Variants in AGBL2 observed in about 807,000 individuals in gnomAD.
AGBL2 encodes the protein AGBL carboxypeptidase 2.
A neutral mutation model predicts 103.0 loss-of-function variants in AGBL2; 87 were observed. That is an observed-to-expected ratio of 0.84 (90% CI 0.71 to 1.01). The LOEUF is 1.01. Among genes scored for constraint, AGBL2 ranks in the 50% least tolerant of loss-of-function variants. The pLI is 0.00. For synonymous variants in AGBL2, 335 were observed against 356.7 expected, an observed-to-expected ratio of 0.94 and a Z score of 0.69; for missense variants, 904 against 1,023.5, an observed-to-expected ratio of 0.88 and a Z score of 1.59.
intron 14 of AGBL2, among the ~76,000 whole-genome samples, chr11:47,672,321 C>T (rs903685964): frequency 1.4e-5 from 2 of 148,076 alleles, no homozygotes; most frequent in African/African-American, 2.5e-5. Context: ...GCAGAGCACA[C>T]TTTTTTTTTT....
At chr11:47,700,596 AAACAAACC>A (rs1246395678) in intron 7 of AGBL2, among the ~76,000 whole-genome samples, 1 of 27,566 alleles carries the variant, frequency 3.6e-5, no homozygotes, top group East Asian at 8.2e-4. Flanking sequence ...AATTTAAAAC[AAACAAACC>A]AACAAACAAA....
At chr11:47,665,554 C>A (rs2097339235) in intron 17 of AGBL2, among the ~76,000 whole-genome samples, 1 of 152,068 alleles carries the variant, frequency 6.6e-6, no homozygotes, top group Non-Finnish European at 1.5e-5. Flanking sequence ...ACTCTGGTCT[C>A]ATGTGATCTG....
At chr11:47,664,884 T>TA (rs569245358) in intron 17 of AGBL2, among the ~76,000 whole-genome samples, 286 of 134,278 alleles carry the variant, frequency 2.1e-3, no homozygotes, top group Middle Eastern at 0.014. Context: ...ACCTTTTTTT[T>TA]TTTTTTTTTT....
chr11:47,682,648 T>G (rs7936948), intron 11 of AGBL2, among the ~76,000 whole-genome samples: 53,328 of 152,048 alleles, frequency 0.35, 10,582 homozygotes, highest in South Asian at 0.52. Flanking sequence ...TCCCTTACAC[T>G]AATCTTATCA....
chr11:47,712,126 T>C (rs989707456), intron 3 of AGBL2, among the ~76,000 whole-genome samples: 49 of 152,290 alleles, frequency 3.2e-4, no homozygotes, highest in Admixed American at 1.6e-3. Flanking sequence ...ATTGCAAAAG[T>C]AATGGCCACA....
intron 18 of AGBL2, 120 bp downstream of exon 18, chr11:47,662,906 G>A (rs2097331821): frequency 2.4e-6 from 2 of 845,076 alleles, no homozygotes; most frequent in South Asian, 1.5e-5. Context: ...TGCGCAGAAC[G>A]AATCCGAGAA....
At chr11:47,682,525 T>A (rs1392171144) in intron 11 of AGBL2, among the ~76,000 whole-genome samples, 1 of 152,140 alleles carries the variant, frequency 6.6e-6, no homozygotes, top group Non-Finnish European at 1.5e-5. Context: ...CTAGCCAACC[T>A]TTCTAAGACT....
chr11:47,711,984 G>C (rs2097537604), intron 3 of AGBL2, among the ~76,000 whole-genome samples: 1 of 152,172 alleles, frequency 6.6e-6, no homozygotes, highest in East Asian at 1.9e-4. Context: ...GAGGTAGGAG[G>C]ATCGCTTAAG....
Position 47,682,051 on chromosome 11 carries a change from T to A in AGBL2, c.1833A>T (p.Glu611Asp). ...SCNFKVQKCK[E>D]GTGRVVMWRM... ...GCCACATAACAACTCGTCCTGTTCC[T>A]TCTTTGCATTTTTGGACCTTAAAAT... The change falls in exon 12 of 19, where the codon GAA (glutamate) becomes GAT (aspartate). Residue 611 changes from glutamate (E) to aspartate (D), a missense_variant. By Grantham distance (45) the Glu-to-Asp change is conservative. Transcript: ENST00000525123. The A allele has an allele frequency of 6.2e-7, 1 of 1,614,198 alleles. No homozygotes were observed.
rs1317741997 is a variant in AGBL2, at chr11:47,690,190, A to C, written c.1517T>G (p.Val506Gly). ...GGAACACCGATAATTCCCCACAATC[A>C]CACCATCTGGATTTAACATGGGAAG... ...KVLPMLNPDGVIVGNYRCSLA... is the reference protein window; with the variant it reads ...KVLPMLNPDGGIVGNYRCSLA... The change falls in exon 10 of 19, where the codon GTG becomes GGG. Residue 506 changes from valine to glycine, a missense_variant. Transcript: ENST00000525123. The C allele has an allele frequency of 1.9e-6, 3 of 1,614,090 alleles. No individual in the cohort carries two copies. Among genetic ancestry groups the C allele is most frequent in the Non-Finnish European group, 2.5e-6 (3 of 1,180,044 alleles).
intron 4 of AGBL2, among the ~76,000 whole-genome samples, chr11:47,708,643 G>A (rs879655459): frequency 1.3e-5 from 2 of 150,560 alleles, no homozygotes; most frequent in African/African-American, 2.4e-5. Flanking sequence ...GTGAAACCCC[G>A]TCTCTACTAA....
intron 13 of AGBL2, among the ~76,000 whole-genome samples, chr11:47,679,222 C>G (rs181050766): frequency 1.3e-5 from 2 of 151,750 alleles, no homozygotes; most frequent in East Asian, 3.9e-4. Flanking sequence ...AGCTGGAGAC[C>G]AGCCTGGGAA....
intron 16 of AGBL2, 134 bp from the exon 17 acceptor site, chr11:47,667,197 G>A (rs1355148588): frequency 3.0e-6 from 2 of 660,808 alleles, no homozygotes; most frequent in Non-Finnish European, 5.1e-6. Context: ...GAGTGTGGCA[G>A]CTTGGACAAA....
intron 4 of AGBL2, among the ~76,000 whole-genome samples, chr11:47,709,142 T>C (rs1286543864): frequency 6.6e-6 from 1 of 152,092 alleles, no homozygotes; most frequent in Admixed American, 6.6e-5. Flanking sequence ...CAAAACAATA[T>C]TGTATTTTAC....
At chr11:47,694,607 T>C (rs910838037) in intron 8 of AGBL2, among the ~76,000 whole-genome samples, 4 of 152,154 alleles carry the variant, frequency 2.6e-5, no homozygotes, top group African/African-American at 9.7e-5. Context: ...ATTTGATAGA[T>C]GCAGATGGCA....
rs563540558 is a variant in AGBL2 at position 47,664,135 on chromosome 11, G to A, written c.2449-1023C>T. 1.9e-4 allele frequency among the ~76,000 whole-genome samples: 29 copies of A among 152,234 alleles called. No individual in the cohort carries two copies. In the East Asian group the frequency reaches 5.6e-3, roughly 29 times the overall value. ...CTCCCAAAGTGCTGGGATTACAGGC[G>A]TGAGTCACCGTGCCTGGGCAGCACT... On this transcript the variant is annotated intron_variant, in intron 17 of 18. Coordinates refer to ENST00000525123, the MANE Select transcript of AGBL2 (RefSeq NM_024783.4).
At chr11:47,692,279 G>C (rs2097450489) in intron 8 of AGBL2, 23 bp from the exon 9 acceptor site, 13 of 1,610,748 alleles carry the variant, frequency 8.1e-6, no homozygotes, top group Non-Finnish European at 1.1e-5. Context: ...GATATATTTA[G>C]GCTAGGTTCT....
rs1266141573 is a variant in AGBL2, at chr11:47,687,804, TTTC to T, written c.1632-1758_1632-1756del. On this transcript the variant is annotated intron_variant, in intron 10 of 18. Coordinates refer to ENST00000525123, the MANE Select transcript of AGBL2 (RefSeq NM_024783.4). ...CTTTCTTTCTTTTTTCTTTTCTTTC[TTTC>T]TTTTTTTTTTTTTTTGTTAAGACAC... is the stretch of plus-strand genomic sequence containing the variant. Among the ~76,000 whole-genome samples the T allele has an allele frequency of 8.3e-5, 12 of 145,140 alleles. No individual in the cohort carries two copies. The South Asian group carries it at 1.4e-3, about 17-fold the overall frequency.
chr11:47,677,584 G>T (rs2097380628), intron 13 of AGBL2, among the ~76,000 whole-genome samples, 183 bp from the exon 14 acceptor site: 1 of 152,000 alleles, frequency 6.6e-6, no homozygotes, highest in Non-Finnish European at 1.5e-5. Flanking sequence ...CTCCCAAGTA[G>T]CTGGGATTAC....
Sources: allele counts gnomAD v4.1 joint callset (sites outside exome capture counted in the v4.1 genomes callset), GRCh38; gene constraint gnomAD v4.1.1; transcripts MANE v1.5; gene names NCBI Gene and HGNC (gene_info 2026-07-23, HGNC 2026-07-21).